The following RBMS3 variants were observed in gnomAD, a reference collection of about 807,000 sequenced individuals.
RBMS3 encodes the protein RNA binding motif single stranded interacting protein 3.
In RBMS3, 27 loss-of-function variants were observed where a neutral mutation model predicts 66.8. The ratio of observed to expected loss-of-function variants is 0.40; its 90% CI spans 0.30 to 0.56. RBMS3 has a LOEUF of 0.56. RBMS3 is among the 20% of genes least tolerant of loss of function. The pLI is 0.40. For synonymous variants in RBMS3, 188 were observed against 183.0 expected (o/e 1.03, Z -0.22); for missense variants, 513 against 549.5 (o/e 0.93, Z 0.66).
rs185990310 is a variant in RBMS3 at position 29,824,112 on chromosome 3, C to T, written c.638-44746C>T. On this transcript the variant is annotated intron_variant, in intron 6 of 14. Transcript: ENST00000383767. ...TATGGTCTTAATGTTTATGTCCCCC[C>T]ACCCCCACCCCACCCCACGCCAAAT... is the stretch of plus-strand genomic sequence containing the variant. 4.7e-4 allele frequency among the ~76,000 whole-genome samples: 71 copies of T among 151,580 alleles called. No individual in the cohort carries two copies. The East Asian group carries it at 0.013, about 27-fold the overall frequency.
At chr3:29,555,140 A>G (rs1183184440) in intron 3 of RBMS3, among the ~76,000 whole-genome samples, 1 of 152,198 alleles carries the variant, frequency 6.6e-6, no homozygotes, top group African/African-American at 2.4e-5. Flanking sequence ...AAAATTATAC[A>G]TTTGTTCAAC....
chr3:29,746,196 A>G (rs1004276316), intron 5 of RBMS3, among the ~76,000 whole-genome samples: 2 of 152,240 alleles, frequency 1.3e-5, no homozygotes, highest in African/African-American at 4.8e-5. Context: ...CATCAAGTCT[A>G]TCAAATTTTT....
At chr3:29,987,478 C>T (rs1698468065) in intron 12 of RBMS3, among the ~76,000 whole-genome samples, 1 of 152,042 alleles carries the variant, frequency 6.6e-6, no homozygotes, top group African/African-American at 2.4e-5. Context: ...CATTATTCAT[C>T]CCGATAAGAA....
chr3:29,985,072 C>T (rs145707902), intron 12 of RBMS3, among the ~76,000 whole-genome samples: 2 of 152,316 alleles, frequency 1.3e-5, no homozygotes, highest in Non-Finnish European at 2.9e-5. Context: ...GGGGCTGCTG[C>T]CTTTCTTTCA....
At chr3:29,303,092 A>C (rs1441858150) in intron 1 of RBMS3, among the ~76,000 whole-genome samples, 3 of 152,002 alleles carry the variant, frequency 2.0e-5, no homozygotes, top group African/African-American at 7.2e-5. Context: ...TGGACCCCTG[A>C]ACAGCCAACA....
chr3:29,959,862 T>C (rs919051663), intron 12 of RBMS3, among the ~76,000 whole-genome samples: 1 of 152,076 alleles, frequency 6.6e-6, no homozygotes, highest in Non-Finnish European at 1.5e-5. Context: ...AACTGCCCCA[T>C]GATTCAATTG....
At chr3:29,858,667 C>CT (rs1388465709) in intron 6 of RBMS3, among the ~76,000 whole-genome samples, 2 of 152,200 alleles carry the variant, frequency 1.3e-5, no homozygotes, top group Non-Finnish European at 2.9e-5. Flanking sequence ...TCAGTGAAAA[C>CT]TTTATGTCCC....
chr3:29,638,251 T>C (rs1019098874), intron 4 of RBMS3, among the ~76,000 whole-genome samples: 1 of 151,702 alleles, frequency 6.6e-6, no homozygotes, highest in Non-Finnish European at 1.5e-5. Flanking sequence ...TTTTACATAT[T>C]GTATCTATCT....
At chr3:29,860,811 A>C (rs115190532) in intron 6 of RBMS3, among the ~76,000 whole-genome samples, 1,736 of 152,312 alleles carry the variant, frequency 0.011, 22 homozygotes, top group Non-Finnish European at 0.018. Context: ...ACAGCTTTTT[A>C]ATGTACAAGT....
rs182255652 is a variant in RBMS3 at position 29,390,577 on chromosome 3, C to T, written c.76-44166C>T. On this transcript the variant is annotated intron_variant, in intron 1 of 14. Coordinates refer to ENST00000383767, the MANE Select transcript of RBMS3 (RefSeq NM_001003793.3). The stretch of plus-strand genomic sequence containing the variant: ...TTTAAAAAAAAAATGAAAAGACATG[C>T]CTTTGAATTTATGAAATATAATATA... Among the ~76,000 whole-genome samples the T allele has an allele frequency of 7.6e-4, 116 of 152,106 alleles. 1 individual carries two copies. In the East Asian group the frequency reaches 0.014, roughly 19 times the overall value.
chr3:29,638,867 C>G (rs138197183), intron 4 of RBMS3, among the ~76,000 whole-genome samples: 1 of 151,914 alleles, frequency 6.6e-6, no homozygotes, highest in Non-Finnish European at 1.5e-5. Context: ...TCAGACATTG[C>G]TTCGAGCTGG....
intron 6 of RBMS3, among the ~76,000 whole-genome samples, chr3:29,850,464 T>C (rs7636408): frequency 0.029 from 4,464 of 152,278 alleles, 153 homozygotes; most frequent in East Asian, 0.11. Context: ...CTGTCATCCC[T>C]TCTTCCACTG....
intron 6 of RBMS3, among the ~76,000 whole-genome samples, chr3:29,812,718 G>A (rs1471973513): frequency 6.6e-6 from 1 of 152,152 alleles, no homozygotes; most frequent in Non-Finnish European, 1.5e-5. Flanking sequence ...CCAAAAGTGA[G>A]AAAGAGTTTT....
chr3:29,562,774 C>G (rs1347659266), intron 3 of RBMS3, among the ~76,000 whole-genome samples: 1 of 152,196 alleles, frequency 6.6e-6, no homozygotes, highest in Non-Finnish European at 1.5e-5. Context: ...ATATCCTGCT[C>G]TAACCCATAC....
chr3:29,875,997 A>G (rs1170144566), intron 7 of RBMS3, among the ~76,000 whole-genome samples: 1 of 152,196 alleles, frequency 6.6e-6, no homozygotes. Context: ...TCTTTTCTCA[A>G]ACATAAAGAA....
chr3:29,927,361 T>C (rs1323501066), intron 10 of RBMS3, among the ~76,000 whole-genome samples: 3 of 152,160 alleles, frequency 2.0e-5, no homozygotes, highest in Non-Finnish European at 4.4e-5. Flanking sequence ...ACTCACTCAG[T>C]CCATTAGCAC....
At chr3:29,931,699 A>G (rs1282375697) in intron 10 of RBMS3, among the ~76,000 whole-genome samples, 4 of 152,176 alleles carry the variant, frequency 2.6e-5, no homozygotes, top group Non-Finnish European at 4.4e-5. Flanking sequence ...ATCCCTACAT[A>G]TACTACAAGA....
intron 1 of RBMS3, among the ~76,000 whole-genome samples, chr3:29,322,246 A>G (rs1029588514): frequency 2.6e-5 from 4 of 152,128 alleles, no homozygotes; most frequent in Non-Finnish European, 4.4e-5. Context: ...GCCAGACATC[A>G]TAGGAGGAAC....
chr3:29,405,966 A>G (rs1342394905), intron 1 of RBMS3, among the ~76,000 whole-genome samples: 1 of 152,136 alleles, frequency 6.6e-6, no homozygotes, highest in Non-Finnish European at 1.5e-5. Context: ...CCCACACATG[A>G]TTTTTCCCCT....
Sources: allele counts gnomAD v4.1 joint callset (sites outside exome capture counted in the v4.1 genomes callset), GRCh38; gene constraint gnomAD v4.1.1; transcripts MANE v1.5; gene names NCBI Gene and HGNC (gene_info 2026-07-23, HGNC 2026-07-21).